Variants in SPTBN1 observed in about 807,000 individuals in gnomAD.
SPTBN1 encodes spectrin beta, non-erythrocytic 1, also known as spectrin beta chain, non-erythrocytic 1.
A neutral mutation model predicts 266.4 loss-of-function variants in SPTBN1; 32 were observed. That is an observed-to-expected ratio of 0.12 (90% CI 0.09 to 0.16). The LOEUF (loss-of-function observed/expected upper bound fraction) is 0.16, where lower values mean the gene tolerates loss of function less well. Ranked by LOEUF, SPTBN1 falls within the 10% of genes least tolerant of loss-of-function variation. The pLI is 1.00. For missense variants in SPTBN1, 2,296 were observed against 3,067.1 expected, an observed-to-expected ratio of 0.75 and a Z score of 5.94; for synonymous variants, 1,336 against 1,162.2, an observed-to-expected ratio of 1.15 and a Z score of -3.04.
At chr2:54,636,270 A>C (rs1380836629) in intron 17 of SPTBN1, among the ~76,000 whole-genome samples, 2 of 152,234 alleles carry the variant, frequency 1.3e-5, no homozygotes, top group Non-Finnish European at 2.9e-5. Flanking sequence ...TCAACTTAAA[A>C]AAATTAAAAA....
chr2:54,664,599 A>G lies in SPTBN1; in HGVS notation c.6567A>G (p.Pro2189=), dbSNP rs1255876884. ...ALPAQSAATL[P]ARTQETPSAQ... ...CAGCCCAGAGTGCCGCCACCTTACC[A>G]GCCAGAACCCAGGAGACACCTTCGG... is the stretch of plus-strand genomic sequence containing the variant. The change falls in exon 33 of 36, where the codon CCA becomes CCG. Residue 2189 remains proline, a synonymous_variant. Transcript: ENST00000356805. This position sits in a 1 kb window ranked among gnomAD's most constrained non-coding sequence, Gnocchi z 5.6. The G allele has an allele frequency of 3.7e-6, 6 of 1,614,178 alleles. No individual in the cohort carries two copies. In the East Asian group the frequency reaches 6.7e-5, roughly 18 times the overall value.
At chr2:54,565,148 G>C (rs1163321909) in intron 2 of SPTBN1, among the ~76,000 whole-genome samples, 2 of 152,276 alleles carry the variant, frequency 1.3e-5, no homozygotes, top group East Asian at 1.9e-4. Flanking sequence ...CAGCTACTCT[G>C]CCAGGTGGTT....
chr2:54,616,797 G>T (rs943429900), intron 5 of SPTBN1, among the ~76,000 whole-genome samples: 2 of 152,184 alleles, frequency 1.3e-5, no homozygotes, highest in African/African-American at 4.8e-5. Flanking sequence ...GGACTCAACT[G>T]ATGCTAAGCC....
chr2:54,664,734 C>A lies in SPTBN1; in HGVS notation c.6659+43C>A, dbSNP rs1399334273. The A allele has an allele frequency of 6.3e-7, 1 of 1,594,456 alleles. No homozygotes were observed. Among genetic ancestry groups the A allele is most frequent in the Non-Finnish European group, 8.6e-7 (1 of 1,164,514 alleles). Reference sequence around the variant, plus strand: ...TGCCACAGTAAGATGGGAAGTCAGCCTGTGAAGGGATAAGGCGGGCCACTC... The same window carrying A: ...TGCCACAGTAAGATGGGAAGTCAGCATGTGAAGGGATAAGGCGGGCCACTC... On this transcript the variant is annotated intron_variant, in intron 33 of 35. Transcript: ENST00000356805. This position sits in a 1 kb window ranked among gnomAD's most constrained non-coding sequence, Gnocchi z 5.6.
chr2:54,512,065 G>A (rs762085781), intron 1 of SPTBN1, among the ~76,000 whole-genome samples: 5 of 152,032 alleles, frequency 3.3e-5, no homozygotes, highest in African/African-American at 4.8e-5. Flanking sequence ...TAGGGTTTGC[G>A]CTCCTATGAG....
At chr2:54,496,429 C>T (rs559581957) in intron 1 of SPTBN1, among the ~76,000 whole-genome samples, 2 of 130,276 alleles carry the variant, frequency 1.5e-5, no homozygotes, top group African/African-American at 3.2e-5. Flanking sequence ...CAGAGTGATA[C>T]TCCGTGTCTT....
chr2:54,648,925 C>G (rs1572751360), intron 24 of SPTBN1, 61 bp from the exon 25 acceptor site: 1 of 1,454,838 alleles, frequency 6.9e-7, no homozygotes, highest in Admixed American at 2.0e-5. Context: ...ATTTGTTTTT[C>G]CCCTGAAGAA....
rs778206168 is a variant in SPTBN1, at chr2:54,643,060, A to G, written c.3936A>G (p.Lys1312=). 6.2e-7 allele frequency: 1 copy of G among 1,614,150 alleles called. No individual in the cohort carries two copies. Among genetic ancestry groups the G allele is most frequent in the Non-Finnish European group, 8.5e-7 (1 of 1,179,990 alleles). Residue 1312 remains lysine, a synonymous_variant, in exon 19 of 36, where the codon AAA becomes AAG. Transcript: ENST00000356805. ...SYDEARNLHS[K]WLKHQAFMAE... ...ATGAAGCCAGAAATCTGCACAGTAA[A>G]TGGTTGAAGCATCAAGCATTTATGG...
intron 1 of SPTBN1, chr2:54,515,624 C>G (rs1007076337): frequency 6.6e-6 from 1 of 152,124 alleles, no homozygotes; most frequent in African/African-American, 2.4e-5. Flanking sequence ...CTTGGCCTCC[C>G]AGGCTCAAGT....
intron 2 of SPTBN1, among the ~76,000 whole-genome samples, chr2:54,571,234 A>G (rs1305445502): frequency 6.6e-6 from 1 of 152,058 alleles, no homozygotes; most frequent in Non-Finnish European, 1.5e-5. Context: ...TTTCAGAAAC[A>G]AGGGTGGTGG....
At chr2:54,512,168 C>T (rs943001131) in intron 1 of SPTBN1, among the ~76,000 whole-genome samples, 4 of 152,142 alleles carry the variant, frequency 2.6e-5, no homozygotes, top group Admixed American at 6.5e-5. Flanking sequence ...CTTGCTTGTC[C>T]GCTGCTCACC....
rs1410005058 is a variant in SPTBN1, at chr2:54,632,550, C to T, written c.3565-16C>T. The T allele has an allele frequency of 3.1e-6, 5 of 1,613,226 alleles. No homozygotes were observed. Among genetic ancestry groups the T allele is most frequent in the Non-Finnish European group, 3.4e-6 (4 of 1,179,280 alleles). On this transcript the variant is annotated splice_polypyrimidine_tract_variant and intron_variant, in intron 16 of 35. Transcript: ENST00000356805. ...CTTCATTGATCTGCTATGATTTGTT[C>T]CTCTTTTTAAATAAGGAGTATGTTC...
chr2:54,463,513 C>T lies in SPTBN1; in HGVS notation c.-48+6995C>T, dbSNP rs114682280. 4.6e-3 allele frequency among the ~76,000 whole-genome samples: 703 copies of T among 152,226 alleles called. 3 individuals are homozygous for T. The highest frequency in any genetic ancestry group is 0.02 in the Middle Eastern group (6 of 294). On this transcript the variant is annotated intron_variant, in intron 1 of 35. Coordinates refer to ENST00000356805, the MANE Select transcript of SPTBN1 (RefSeq NM_003128.3). ...GGCTCTTTACACAACCCACCCACCTCGCTCACACGCTAAGTGACCTTGGGC... is the reference window on the plus strand; with the variant it reads ...GGCTCTTTACACAACCCACCCACCTTGCTCACACGCTAAGTGACCTTGGGC...
intron 1 of SPTBN1, among the ~76,000 whole-genome samples, chr2:54,465,662 ATATAT>A (rs1263177020): frequency 7.7e-6 from 1 of 130,554 alleles, no homozygotes; most frequent in Non-Finnish European, 1.7e-5. Context: ...ATATATATAT[ATATAT>A]ATCTCACACA....
chr2:54,567,222 A>G (rs918254887), intron 2 of SPTBN1, among the ~76,000 whole-genome samples: 18 of 152,244 alleles, frequency 1.2e-4, no homozygotes, highest in Non-Finnish European at 2.9e-5. Context: ...CTTAAAGTAC[A>G]GAGTGAGGAT....
At chr2:54,488,258 AAATGAGG>A (rs1668510137) in intron 1 of SPTBN1, among the ~76,000 whole-genome samples, 1 of 152,202 alleles carries the variant, frequency 6.6e-6, no homozygotes, top group African/African-American at 2.4e-5. Flanking sequence ...CTCAATTTTC[AAATGAGG>A]AAACTGAGGA....
intron 4 of SPTBN1, among the ~76,000 whole-genome samples, chr2:54,615,093 ACAGACT>A (rs1435333908): frequency 6.6e-6 from 1 of 152,032 alleles, no homozygotes; most frequent in Non-Finnish European, 1.5e-5. Context: ...TGGGGTTTAT[ACAGACT>A]CAGGCTTCAC....
intron 1 of SPTBN1, among the ~76,000 whole-genome samples, chr2:54,506,654 G>A (rs954775621): frequency 6.6e-6 from 1 of 152,002 alleles, no homozygotes; most frequent in East Asian, 1.9e-4. Flanking sequence ...ACTATATTTA[G>A]GGATACATTG....
rs373574785 is a variant in SPTBN1 at position 54,649,652 on chromosome 2, C to G, written c.5240C>G (p.Thr1747Ser). ...CGATTCCGGGAGTTTGCCCGAGACA[C>G]CGGGAACATTGGGCAGGAGCGCGTG... Reference protein sequence around the residue: ...QERFREFARDTGNIGQERVDT... With the variant: ...QERFREFARDSGNIGQERVDT... Residue 1747 changes from threonine to serine, a missense_variant, in exon 26 of 36, where the codon ACC becomes AGC. Around this residue, in one of 12 missense-constraint regions of SPTBN1, gnomAD observed 644 missense variants for 745.3 expected, o/e 0.86. Coordinates refer to ENST00000356805, the MANE Select transcript of SPTBN1 (RefSeq NM_003128.3). This position sits in a 1 kb window ranked among gnomAD's most constrained non-coding sequence, Gnocchi z 6.7. 1.5e-4 allele frequency: 245 copies of G among 1,611,652 alleles called. 1 individual carries two copies. Among genetic ancestry groups the G allele is most frequent in the Non-Finnish European group, 2.0e-4 (233 of 1,177,962 alleles).
Sources: gnomAD v4.1 joint callset for allele counts (sites outside exome capture counted in the v4.1 genomes callset) on GRCh38, gnomAD v4.1.1 for gene constraint, gnomAD v4.1.1 regional missense constraint, Gnocchi (gnomAD v3.1) non-coding constraint, MANE v1.5 for transcripts, NCBI Gene and HGNC (gene_info 2026-07-23, HGNC 2026-07-21) for gene names.